Variants in PDE10A observed in about 807,000 individuals in gnomAD.
The protein encoded by PDE10A is phosphodiesterase 10A.
A neutral mutation model predicts 97.7 loss-of-function variants in PDE10A; 39 were observed. The observed-to-expected ratio is 0.40, with a 90% CI of 0.31 to 0.52. PDE10A has a LOEUF of 0.52. Among genes scored for constraint, PDE10A ranks in the 20% least tolerant of loss-of-function variants. The probability of loss-of-function intolerance (pLI) is 0.56; values close to 1 mark genes in which losing one functional copy is unlikely to be tolerated. For missense variants in PDE10A, 731 were observed against 1,047.8 expected (o/e 0.70, Z 4.17); for synonymous variants, 371 against 376.8 (o/e 0.98, Z 0.18).
chr6:165,610,873 T>C (rs1435771526), intron 1 of PDE10A, among the ~76,000 whole-genome samples: 1 of 152,168 alleles, frequency 6.6e-6, no homozygotes, highest in Non-Finnish European at 1.5e-5. Flanking sequence ...AATTCCCATG[T>C]GACCTTTAGC....
chr6:165,470,965 A>C (rs1778964775), intron 3 of PDE10A, among the ~76,000 whole-genome samples: 1 of 152,178 alleles, frequency 6.6e-6, no homozygotes. Context: ...CTATATATTT[A>C]CCACCCATTT....
chr6:165,339,426 G>T, intron 19 of PDE10A, 68 bp from the exon 20 acceptor site: 1 of 949,534 alleles, frequency 1.1e-6, no homozygotes, highest in Non-Finnish European at 1.7e-6. Flanking sequence ...TGATATTATT[G>T]AATTATTCCC....
At chr6:165,588,928 T>C (rs1252591075) in intron 1 of PDE10A, among the ~76,000 whole-genome samples, 2 of 152,200 alleles carry the variant, frequency 1.3e-5, no homozygotes, top group African/African-American at 2.4e-5. Flanking sequence ...TCAACAAATA[T>C]TTAAAATAAA....
At chr6:165,663,529 A>T (rs1024385440), upstream of PDE10A, among the ~76,000 whole-genome samples, 1 of 152,180 alleles carries the variant, frequency 6.6e-6, no homozygotes. Context: ...CGAGCCAGGG[A>T]ATCCTCCTGG....
At chr6:165,545,023 A>C (rs925567128) in intron 1 of PDE10A, among the ~76,000 whole-genome samples, 1 of 152,088 alleles carries the variant, frequency 6.6e-6, no homozygotes, top group Non-Finnish European at 1.5e-5. Context: ...AGTCCCTAAA[A>C]ACAAAAGGTG....
intron 1 of PDE10A, among the ~76,000 whole-genome samples, chr6:165,669,253 C>G (rs1790581345): frequency 6.6e-6 from 1 of 152,190 alleles, no homozygotes; most frequent in African/African-American, 2.4e-5. Context: ...ATTAGTGAGC[C>G]AGAGACACCC....
At position 165,375,554 on chromosome 6, in the gene PDE10A, A is replaced by G. The variant is rs1275322921; in HGVS notation, c.2783+3640T>C. 2.6e-5 allele frequency among the ~76,000 whole-genome samples: 4 copies of G among 152,256 alleles called. No individual in the cohort carries two copies. The South Asian group carries it at 8.3e-4, about 31-fold the overall frequency. On this transcript the variant is annotated intron_variant, in intron 18 of 21. Transcript: ENST00000539869. ...CTGAAGCAGCAAGTGCTGATGTAAA[A>G]GCAGCAGGTTATTCAGAAGATCTAA...
At chr6:165,367,413 C>G (rs573927629) in intron 18 of PDE10A, among the ~76,000 whole-genome samples, 2 of 152,010 alleles carry the variant, frequency 1.3e-5, no homozygotes, top group African/African-American at 4.8e-5. Context: ...CCTTAATAAC[C>G]TGTAACACAG....
chr6:165,837,659 G>C (rs1051167607), intron 1 of PDE10A, among the ~76,000 whole-genome samples: 2 of 83,488 alleles, frequency 2.4e-5, no homozygotes, highest in Admixed American at 1.5e-4. Flanking sequence ...ATCTCTCCTG[G>C]TTTTTTTTTT....
chr6:165,558,892 G>A (rs1401108040), intron 1 of PDE10A, among the ~76,000 whole-genome samples: 1 of 152,056 alleles, frequency 6.6e-6, no homozygotes, highest in African/African-American at 2.4e-5. Flanking sequence ...CATGGCACAT[G>A]TATACATATG....
intron 1 of PDE10A, among the ~76,000 whole-genome samples, chr6:165,717,357 A>AAGTGGGTG (rs1334051462): frequency 6.6e-6 from 1 of 152,208 alleles, no homozygotes; most frequent in Admixed American, 6.5e-5. Context: ...TTGGGAGGCA[A>AAGTGGGTG]AGTGGGTGGA....
intron 1 of PDE10A, among the ~76,000 whole-genome samples, chr6:165,682,340 C>T (rs1264584182): frequency 2.0e-5 from 3 of 152,052 alleles, no homozygotes; most frequent in Non-Finnish European, 4.4e-5. Flanking sequence ...TGCCATGTTG[C>T]CCTGGTTGGT....
chr6:165,415,647 T>C (rs758490179), intron 12 of PDE10A, among the ~76,000 whole-genome samples: 9 of 152,206 alleles, frequency 5.9e-5, no homozygotes, highest in Non-Finnish European at 1.3e-4. Flanking sequence ...TCATGAATAT[T>C]ATCTGTGATC....
chr6:165,715,952 T>G (rs989892929), intron 1 of PDE10A, among the ~76,000 whole-genome samples: 1 of 152,210 alleles, frequency 6.6e-6, no homozygotes, highest in East Asian at 1.9e-4. Flanking sequence ...GGGAGCTTTC[T>G]GTAATAGTGA....
At chr6:165,370,385 T>G in intron 18 of PDE10A, among the ~76,000 whole-genome samples, 1 of 148,116 alleles carries the variant, frequency 6.8e-6, no homozygotes, top group Non-Finnish European at 1.5e-5. Context: ...TGGAGGAAGA[T>G]CTACCAAGCA....
chr6:165,364,758 A>T (rs574625695), intron 18 of PDE10A, among the ~76,000 whole-genome samples: 27 of 152,332 alleles, frequency 1.8e-4, no homozygotes, highest in Non-Finnish European at 2.8e-4. Context: ...TAATAGTTAT[A>T]TTCTTTTTAC....
chr6:165,758,657 G>A (rs1375774260), intron 1 of PDE10A, among the ~76,000 whole-genome samples: 2 of 149,370 alleles, frequency 1.3e-5, no homozygotes, highest in Non-Finnish European at 3.0e-5. Flanking sequence ...AAGAGGAGGA[G>A]GAGGAAGAGG....
chr6:165,795,842 G>T (rs932066155), intron 1 of PDE10A, among the ~76,000 whole-genome samples: 1 of 152,066 alleles, frequency 6.6e-6, no homozygotes, highest in South Asian at 2.1e-4. Context: ...ATTCTTACTG[G>T]CAGTGACCTT....
intron 1 of PDE10A, among the ~76,000 whole-genome samples, chr6:165,965,299 T>C (rs192852591): frequency 6.6e-6 from 1 of 151,952 alleles, no homozygotes; most frequent in East Asian, 1.9e-4. Context: ...CCGGGCTGGG[T>C]AGCGTTCTGA....
Sources: gnomAD v4.1 joint callset for allele counts (sites outside exome capture counted in the v4.1 genomes callset) on GRCh38, gnomAD v4.1.1 for gene constraint, MANE v1.5 for transcripts, NCBI Gene and HGNC (gene_info 2026-07-23, HGNC 2026-07-21) for gene names.